ECE1: variants seen among roughly 807,000 people sequenced by gnomAD.
ECE1 encodes the protein endothelin-converting enzyme 1.
A neutral mutation model predicts 98.6 loss-of-function variants in ECE1; 35 were observed. The ratio of observed to expected loss-of-function variants is 0.35; its 90% CI spans 0.27 to 0.47. The LOEUF (loss-of-function observed/expected upper bound fraction) is 0.47. ECE1 is among the 20% of genes least tolerant of loss of function. The probability of loss-of-function intolerance (pLI) is 1.00; values close to 1 mark genes in which losing one functional copy is unlikely to be tolerated. For missense variants in ECE1, 814 were observed against 1,025.3 expected (o/e 0.79, Z 2.81); for synonymous variants, 394 against 407.1 (o/e 0.97, Z 0.39).
At chr1:21,335,605 T>G (rs1310387576) in intron 1 of ECE1, among the ~76,000 whole-genome samples, 5 of 152,154 alleles carry the variant, frequency 3.3e-5, no homozygotes, top group African/African-American at 9.7e-5. Context: ...GGGGGCCTAC[T>G]CTGGAGGGCT....
At chr1:21,274,775 G>A (rs958153282) in intron 3 of ECE1, among the ~76,000 whole-genome samples, 1 of 152,200 alleles carries the variant, frequency 6.6e-6, no homozygotes, top group Non-Finnish European at 1.5e-5. Context: ...AGGGTGATCT[G>A]ACTTTGAGAT....
chr1:21,343,948 G>C (rs1334782280), intron 1 of ECE1, among the ~76,000 whole-genome samples: 1 of 152,132 alleles, frequency 6.6e-6, no homozygotes, highest in Non-Finnish European at 1.5e-5. Flanking sequence ...TAAATCCAGT[G>C]CTGGTCCACA....
chr1:21,245,020 T>C lies in ECE1; in HGVS notation c.1247A>G (p.Lys416Arg), dbSNP rs1208771201. 1 of 1,614,040 alleles carries C rather than the reference T, an allele frequency of 6.2e-7. No homozygotes were observed. The highest frequency in any genetic ancestry group is 8.5e-7 in the Non-Finnish European group (1 of 1,180,036). ...GGTCCCGTACATGACTTCCATGAAC[T>C]TCTCATCGGCGTCCTGAAAGCGCTG... ...LDQRFQDADE[K>R]FMEVMYGTKK... Residue 416 changes from lysine to arginine, a missense_variant, in exon 10 of 19, where the codon AAG (lysine) becomes AGG (arginine). Around this residue, in one of 3 missense-constraint regions of ECE1, gnomAD observed 452 missense variants for 567.3 expected, o/e 0.80. Coordinates refer to ENST00000374893, the MANE Select transcript of ECE1 (RefSeq NM_001397.3).
chr1:21,231,599 C>T (rs565359640), intron 14 of ECE1, among the ~76,000 whole-genome samples: 1 of 152,280 alleles, frequency 6.6e-6, no homozygotes, highest in South Asian at 2.1e-4. Context: ...GCCTTGGCCT[C>T]CCAAAGTACT....
At chr1:21,315,956 T>C (rs2103395637) in intron 1 of ECE1, among the ~76,000 whole-genome samples, 1 of 152,274 alleles carries the variant, frequency 6.6e-6, no homozygotes, top group East Asian at 1.9e-4. Context: ...GAATGGGACT[T>C]AACCTCTCTG....
intron 10 of ECE1, among the ~76,000 whole-genome samples, chr1:21,243,814 C>T (rs1043523852): frequency 2.6e-5 from 4 of 152,258 alleles, no homozygotes; most frequent in African/African-American, 9.6e-5. Context: ...AGCCAACCCA[C>T]TGCTCCCGCT....
intron 10 of ECE1, among the ~76,000 whole-genome samples, chr1:21,242,912 C>T (rs2103254588): frequency 6.6e-6 from 1 of 152,364 alleles, no homozygotes; most frequent in South Asian, 2.1e-4. Flanking sequence ...TCCAGGGTAG[C>T]TGGGACTACA....
Position 21,257,518 on chromosome 1 carries a change from C to G in ECE1, c.828+7G>C. ...GAGGCAGGCTGGGAGGGGAGAGGCA[C>G]GCTTACCTTCTCGTTTTCAGTTTTG... On this transcript the variant is annotated splice_region_variant and intron_variant, in intron 7 of 18. Transcript: ENST00000374893. 1.2e-6 allele frequency: 2 copies of G among 1,614,138 alleles called. No individual in the cohort carries two copies. The highest frequency in any genetic ancestry group is 1.7e-6 in the Non-Finnish European group (2 of 1,179,996).
rs1441262067 is a variant in ECE1 at position 21,258,677 on chromosome 1, G to A, written c.762+16C>T. 1 of 1,614,038 alleles carries A rather than the reference G, an allele frequency of 6.2e-7. No homozygotes were observed. Among genetic ancestry groups the A allele is most frequent in the Non-Finnish European group, 8.5e-7 (1 of 1,180,026 alleles). On this transcript the variant is annotated intron_variant, in intron 6 of 18. Transcript: ENST00000374893. The surrounding 1 kb of genome is among the most constrained non-coding windows in gnomAD (Gnocchi z 4.2). ...GTGCCCGCCCCCTCGACCGCTGCAG[G>A]TTCAAGCTAGCTCACCTGGATCACG...
intron 1 of ECE1, among the ~76,000 whole-genome samples, chr1:21,332,090 C>G (rs1017831397): frequency 6.6e-6 from 1 of 152,194 alleles, no homozygotes; most frequent in South Asian, 2.1e-4. Flanking sequence ...CACCCTCCCC[C>G]ACCCCATCCT....
chr1:21,256,781 GA>G (rs1488934713), intron 7 of ECE1: 1 of 153,960 alleles, frequency 6.5e-6, no homozygotes, highest in African/African-American at 2.4e-5. Context: ...CGTGTTCCAA[GA>G]TCTGAATTAG....
intron 8 of ECE1, among the ~76,000 whole-genome samples, chr1:21,248,317 G>A (rs976915663): frequency 4.6e-5 from 7 of 151,780 alleles, no homozygotes; most frequent in South Asian, 2.1e-4. Context: ...ATTACAACAG[G>A]CACCCACCAC....
chr1:21,314,623 T>C (rs1638795469), intron 1 of ECE1, among the ~76,000 whole-genome samples: 1 of 152,138 alleles, frequency 6.6e-6, no homozygotes, highest in South Asian at 2.1e-4. Flanking sequence ...ACAGCCCCTC[T>C]CCATCTTCCT....
chr1:21,273,842 C>T (rs534603889), intron 3 of ECE1, among the ~76,000 whole-genome samples: 1 of 152,166 alleles, frequency 6.6e-6, no homozygotes, highest in African/African-American at 2.4e-5. Flanking sequence ...GGGATAAGAG[C>T]GAGGAGACTG....
intron 1 of ECE1, among the ~76,000 whole-genome samples, chr1:21,297,605 C>T (rs1271184771): frequency 1.3e-5 from 2 of 148,386 alleles, no homozygotes; most frequent in African/African-American, 5.0e-5. Context: ...AATCTTGGCT[C>T]ACTGTAACCT....
rs188052002 is a variant in ECE1 at position 21,233,550 on chromosome 1, G to A, written c.1670+8C>T. 8.6e-5 allele frequency: 139 copies of A among 1,612,854 alleles called. No homozygotes were observed. In the African/African-American group the frequency reaches 1.7e-3, roughly 20 times the overall value. ...GGCACCTTGCCGGCAGGGCCTGGGG[G>A]AACTCACTGATCTCTGTTGGGGGCT... On this transcript the variant is annotated splice_region_variant and intron_variant, in intron 14 of 18. Transcript: ENST00000374893. The surrounding 1 kb of genome is among the most constrained non-coding windows in gnomAD (Gnocchi z 4.0).
At chr1:21,242,366 G>C (rs752367208) in intron 10 of ECE1, among the ~76,000 whole-genome samples, 1 of 152,128 alleles carries the variant, frequency 6.6e-6, no homozygotes. Flanking sequence ...GCTTTTTCCC[G>C]AATGAAGGCC....
chr1:21,296,354 T>TA (rs904395749), intron 1 of ECE1, among the ~76,000 whole-genome samples: 4 of 149,488 alleles, frequency 2.7e-5, no homozygotes, highest in Non-Finnish European at 3.0e-5. Context: ...ACAAAAAATT[T>TA]AAAAAAAAAA....
intron 1 of ECE1, among the ~76,000 whole-genome samples, chr1:21,339,769 C>T (rs1639367276): frequency 6.6e-6 from 1 of 152,208 alleles, no homozygotes; most frequent in Non-Finnish European, 1.5e-5. Flanking sequence ...AACTTGCTCC[C>T]CTGTTTACAC....
Sources: gnomAD v4.1 joint callset for allele counts (sites outside exome capture counted in the v4.1 genomes callset) on GRCh38, gnomAD v4.1.1 for gene constraint, gnomAD v4.1.1 regional missense constraint, Gnocchi (gnomAD v3.1) non-coding constraint, MANE v1.5 for transcripts, NCBI Gene and HGNC (gene_info 2026-07-23, HGNC 2026-07-21) for gene names.